The following GHR variants were observed in gnomAD, a reference collection of about 807,000 sequenced individuals.
GHR encodes the protein growth hormone receptor.
Under a neutral mutation model 67.1 loss-of-function variants are expected in GHR, and 35 were observed. The observed-to-expected ratio is 0.52, with a 90% CI of 0.40 to 0.69. GHR has a LOEUF of 0.69. GHR is among the 30% of genes least tolerant of loss of function. The pLI is 0.00. For missense variants in GHR, 792 were observed against 764.6 expected, an observed-to-expected ratio of 1.04 and a Z score of -0.42; for synonymous variants, 272 against 269.1, an observed-to-expected ratio of 1.01 and a Z score of -0.10.
chr5:42,531,546 T>C (rs1339967656), intron 1 of GHR, among the ~76,000 whole-genome samples: 4 of 151,980 alleles, frequency 2.6e-5, no homozygotes, highest in African/African-American at 9.7e-5. Flanking sequence ...GGTGTAATCA[T>C]AGCTCCCTGA....
intron 7 of GHR, among the ~76,000 whole-genome samples, chr5:42,712,869 TTAA>T (rs1181269349): frequency 1.3e-5 from 2 of 150,720 alleles, no homozygotes; most frequent in Non-Finnish European, 3.0e-5. Flanking sequence ...TTATTATATT[TTAA>T]TAATTTAATT....
chr5:42,456,104 A>T (rs924408446), intron 1 of GHR, among the ~76,000 whole-genome samples: 16 of 152,226 alleles, frequency 1.1e-4, no homozygotes, highest in African/African-American at 3.9e-4. Flanking sequence ...CAAGGTCAAG[A>T]GATGGAGAAC....
intron 1 of GHR, among the ~76,000 whole-genome samples, chr5:42,510,744 G>T (rs931387394): frequency 1.3e-5 from 2 of 152,170 alleles, no homozygotes; most frequent in African/African-American, 4.8e-5. Flanking sequence ...CAGATGAATG[G>T]AGCTCTGAGC....
At position 42,425,943 on chromosome 5, in the gene GHR, C is replaced by T. The variant is rs142495211; in HGVS notation, c.-12+1988C>T. On this transcript the variant is annotated intron_variant, in intron 1 of 9. Transcript: ENST00000230882. ...GTCTATAAATGCAATGACAAAGTGACGAGATGAGTGCATTCTTTTTTCAAA... is the reference window on the plus strand; with the variant it reads ...GTCTATAAATGCAATGACAAAGTGATGAGATGAGTGCATTCTTTTTTCAAA... Among the ~76,000 whole-genome samples, 18 of 152,258 alleles carry T rather than the reference C, an allele frequency of 1.2e-4. No individual in the cohort carries two copies. The South Asian group carries it at 1.2e-3, about 11-fold the overall frequency.
At chr5:42,458,146 T>G (rs187789329) in intron 1 of GHR, among the ~76,000 whole-genome samples, 2 of 152,278 alleles carry the variant, frequency 1.3e-5, no homozygotes, top group African/African-American at 4.8e-5. Flanking sequence ...CATTAAAGGT[T>G]TTTAGATTGA....
chr5:42,526,693 T>C (rs1228611133), intron 1 of GHR, among the ~76,000 whole-genome samples: 1 of 152,128 alleles, frequency 6.6e-6, no homozygotes, highest in African/African-American at 2.4e-5. Flanking sequence ...TCCCCAGCCT[T>C]GCTAGAGAAA....
chr5:42,652,468 A>G (rs915052127), intron 3 of GHR, among the ~76,000 whole-genome samples: 4 of 152,250 alleles, frequency 2.6e-5, no homozygotes, highest in Admixed American at 1.3e-4. Flanking sequence ...TTACTGTGTT[A>G]AGAAGAAACC....
At chr5:42,710,270 G>A (rs896018044) in intron 6 of GHR, among the ~76,000 whole-genome samples, 1 of 152,038 alleles carries the variant, frequency 6.6e-6, no homozygotes, top group African/African-American at 2.4e-5. Context: ...CCCAGCTGCT[G>A]ACTTAATAAA....
chr5:42,484,604 C>A (rs1354441807), intron 1 of GHR, among the ~76,000 whole-genome samples: 1 of 152,218 alleles, frequency 6.6e-6, no homozygotes, highest in Non-Finnish European at 1.5e-5. Flanking sequence ...GAGCCCAGAA[C>A]TGTTTTTAAA....
At chr5:42,689,494 G>A (rs750859343) in intron 4 of GHR, among the ~76,000 whole-genome samples, 1 of 152,118 alleles carries the variant, frequency 6.6e-6, no homozygotes, top group Non-Finnish European at 1.5e-5. Context: ...ATGCTGAAAT[G>A]CGTGGTCCTA....
chr5:42,622,478 A>T (rs543283867), intron 2 of GHR, among the ~76,000 whole-genome samples: 1 of 152,226 alleles, frequency 6.6e-6, no homozygotes, highest in Non-Finnish European at 1.5e-5. Context: ...AGGGGTATGG[A>T]AGGGCAAGGT....
At chr5:42,460,065 C>A (rs1331758886) in intron 1 of GHR, among the ~76,000 whole-genome samples, 7 of 152,120 alleles carry the variant, frequency 4.6e-5, no homozygotes, top group Admixed American at 6.6e-5. Context: ...GGTCTCCAAT[C>A]CTATAGAGTT....
In GHR at chr5:42,423,571, T is replaced by TGGG. The variant is rs1242861851; in HGVS notation, c.-396_-395insGGG. Among the ~76,000 whole-genome samples the TGGG allele has an allele frequency of 6.6e-6, 1 of 152,022 alleles. No homozygotes were observed. The highest frequency in any genetic ancestry group is 6.5e-5 in the Admixed American group (1 of 15,278). On this transcript the variant is annotated 5_prime_UTR_variant, in exon 1 of 10. Transcript: ENST00000230882. ...GAACTGGCCTCCTTGAACGTCCGCT[T>TGGG]CGCCTTCGCTTCTGCAACCTGGATC...
At chr5:42,508,355 C>T (rs1746865716) in intron 1 of GHR, among the ~76,000 whole-genome samples, 1 of 152,136 alleles carries the variant, frequency 6.6e-6, no homozygotes, top group Admixed American at 6.5e-5. Flanking sequence ...AGTAAGGAAG[C>T]ATGGAGGAGG....
At chr5:42,690,971 T>C (rs1757394523) in intron 4 of GHR, among the ~76,000 whole-genome samples, 1 of 152,186 alleles carries the variant, frequency 6.6e-6, no homozygotes, top group African/African-American at 2.4e-5. Context: ...AAAATAATTT[T>C]TTGCTACCTC....
chr5:42,516,028 G>C (rs987449268), intron 1 of GHR, among the ~76,000 whole-genome samples: 2 of 152,214 alleles, frequency 1.3e-5, no homozygotes, highest in Non-Finnish European at 2.9e-5. Context: ...AGGGGGCACA[G>C]AGAATGTAGT....
At chr5:42,494,707 C>A (rs1260038514) in intron 1 of GHR, among the ~76,000 whole-genome samples, 2 of 152,102 alleles carry the variant, frequency 1.3e-5, no homozygotes, top group Non-Finnish European at 2.9e-5. Flanking sequence ...GTAGAGTAAA[C>A]TAATCCTTAG....
intron 1 of GHR, among the ~76,000 whole-genome samples, chr5:42,528,202 CATAG>C (rs763359840): frequency 6.6e-6 from 1 of 151,918 alleles, no homozygotes; most frequent in Non-Finnish European, 1.5e-5. Flanking sequence ...CTATAGTTGC[CATAG>C]ATAGTCATTC....
intron 3 of GHR, among the ~76,000 whole-genome samples, chr5:42,653,376 C>A (rs1755100674): frequency 6.6e-6 from 1 of 152,024 alleles, no homozygotes; most frequent in Admixed American, 6.6e-5. Context: ...GATATATTGA[C>A]CCCAAAACCT....
Sources: allele counts gnomAD v4.1 joint callset (sites outside exome capture counted in the v4.1 genomes callset), GRCh38; gene constraint gnomAD v4.1.1; transcripts MANE v1.5; gene names NCBI Gene and HGNC (gene_info 2026-07-23, HGNC 2026-07-21).